Variants in UHRF2 observed in about 807,000 individuals in gnomAD.
UHRF2 encodes E3 ubiquitin-protein ligase UHRF2.
In UHRF2, 23 loss-of-function variants were observed where a neutral mutation model predicts 96.8. The ratio of observed to expected loss-of-function variants is 0.24; its 90% CI spans 0.17 to 0.34. The LOEUF is 0.34. Ranked by LOEUF, UHRF2 falls within the 10% of genes least tolerant of loss-of-function variation. UHRF2 has a pLI of 1.00. For missense variants in UHRF2, 685 were observed against 981.5 expected, an observed-to-expected ratio of 0.70 and a Z score of 4.04; for synonymous variants, 385 against 332.6, an observed-to-expected ratio of 1.16 and a Z score of -1.72.
At chr9:6,451,380 G>A (rs1302613114) in intron 3 of UHRF2, among the ~76,000 whole-genome samples, 1 of 151,710 alleles carries the variant, frequency 6.6e-6, no homozygotes, top group Non-Finnish European at 1.5e-5. Context: ...TAGTTCTGTA[G>A]TTAAATCTCC....
intron 3 of UHRF2, among the ~76,000 whole-genome samples, chr9:6,439,067 A>G (rs766085261): frequency 1.3e-5 from 2 of 152,228 alleles, no homozygotes; most frequent in Admixed American, 6.5e-5. Flanking sequence ...AGATACAAAC[A>G]CTAAGTTTAT....
At chr9:6,462,509 A>G (rs528906438) in intron 4 of UHRF2, among the ~76,000 whole-genome samples, 1 of 152,334 alleles carries the variant, frequency 6.6e-6, no homozygotes, top group South Asian at 2.1e-4. Flanking sequence ...AAGCCCCTAA[A>G]TAAACTGGCT....
At chr9:6,468,329 C>A in intron 4 of UHRF2, 1 of 410,664 alleles carries the variant, frequency 2.4e-6, no homozygotes, top group South Asian at 1.8e-5. Flanking sequence ...TAAAGTAGTA[C>A]ATGGAAAGCA....
In UHRF2 at chr9:6,433,258, T is replaced by C. The variant is rs12339576; in HGVS notation, c.385-656T>C. 3.3e-3 allele frequency among the ~76,000 whole-genome samples: 504 copies of C among 152,372 alleles called. 1 individual carries two copies. The highest frequency in any genetic ancestry group is 0.012 in the African/African-American group (493 of 41,586). ...CCTTTTGTCAGATTGCATGGGTTAG[T>C]TGTGGATCAGCCACTGGAATTGACT... On this transcript the variant is annotated intron_variant, in intron 2 of 15. Coordinates refer to ENST00000276893, the MANE Select transcript of UHRF2 (RefSeq NM_152896.3).
At chr9:6,440,936 C>T (rs1821126154) in intron 3 of UHRF2, among the ~76,000 whole-genome samples, 1 of 152,182 alleles carries the variant, frequency 6.6e-6, no homozygotes, top group Non-Finnish European at 1.5e-5. Flanking sequence ...TCTAATCATT[C>T]CCTGTGATTC....
chr9:6,422,752 C>T (rs545004945), intron 2 of UHRF2: 6 of 459,486 alleles, frequency 1.3e-5, no homozygotes, highest in African/African-American at 2.0e-5. Context: ...GGGATACAGG[C>T]GTGAGCCACC....
chr9:6,468,409 G>C (rs1029396080), intron 4 of UHRF2: 1 of 455,940 alleles, frequency 2.2e-6, no homozygotes, highest in Middle Eastern at 3.3e-4. Flanking sequence ...TAAATAGCCC[G>C]ATCAAATAGT....
In UHRF2 at chr9:6,504,694, AAGT is replaced by A; in HGVS notation, c.2262+6_2262+8del. 1 of 1,609,034 alleles carries A rather than the reference AAGT, an allele frequency of 6.2e-7. No individual in the cohort carries two copies. Among genetic ancestry groups the A allele is most frequent in the Non-Finnish European group, 8.5e-7 (1 of 1,176,068 alleles). On this transcript the variant is annotated splice_donor_5th_base_variant and intron_variant, in intron 15 of 15. Transcript: ENST00000276893. ...AGTGCTTCCACAATGTCTGTAAAGTAAGTAGAATTCCTTCCTCACTTTCCCTGT... is the reference window on the plus strand; with the variant it reads ...AGTGCTTCCACAATGTCTGTAAAGTAAGAATTCCTTCCTCACTTTCCCTGT...
At chr9:6,436,604 T>C (rs201556085) in intron 3 of UHRF2, among the ~76,000 whole-genome samples, 1 of 152,170 alleles carries the variant, frequency 6.6e-6, no homozygotes, top group Non-Finnish European at 1.5e-5. Flanking sequence ...AACATAGACA[T>C]AGAATAAGGA....
chr9:6,481,923 C>A, intron 7 of UHRF2, 69 bp from the exon 8 acceptor site: 3 of 1,570,954 alleles, frequency 1.9e-6, no homozygotes, highest in Non-Finnish European at 2.6e-6. Flanking sequence ...CTAGTCACAT[C>A]TCAGAATTAA....
At chr9:6,486,687 G>A (rs1347179437) in intron 8 of UHRF2, 134 bp from the exon 9 acceptor site, 5 of 750,044 alleles carry the variant, frequency 6.7e-6, no homozygotes, top group African/African-American at 1.8e-5. Flanking sequence ...GATTTAAAAT[G>A]AGAGAGCAAA....
chr9:6,504,798 G>A (rs1319916138), intron 15 of UHRF2, 107 bp downstream of exon 15: 17 of 782,536 alleles, frequency 2.2e-5, no homozygotes, highest in Non-Finnish European at 3.2e-5. Flanking sequence ...CGGGATAGTT[G>A]CGGAACCTTC....
chr9:6,502,638 G>A (rs1816361570), intron 14 of UHRF2, among the ~76,000 whole-genome samples: 1 of 152,176 alleles, frequency 6.6e-6, no homozygotes, highest in African/African-American at 2.4e-5. Context: ...CTCTGCTGTA[G>A]GAACGTAAGT....
rs532425934 is a variant in UHRF2, at chr9:6,434,353, A to T, written c.644+180A>T. On this transcript the variant is annotated intron_variant, in intron 3 of 15. Coordinates refer to ENST00000276893, the MANE Select transcript of UHRF2 (RefSeq NM_152896.3). ...TTAAAGGTCCTTTTAGCTCTCGATTATCTCTGGTTCTTAAGTGGTTTATTT... is the reference window on the plus strand; with the variant it reads ...TTAAAGGTCCTTTTAGCTCTCGATTTTCTCTGGTTCTTAAGTGGTTTATTT... The T allele has an allele frequency of 2.0e-4, 129 of 645,050 alleles. No individual in the cohort carries two copies. The African/African-American group carries it at 2.1e-3, about 10-fold the overall frequency. The allele number at this position is 645,050 out of a possible 1,614,324, so 40.0% of individuals were successfully genotyped here.
At chr9:6,455,464 G>A (rs1191908968) in intron 3 of UHRF2, among the ~76,000 whole-genome samples, 1 of 152,064 alleles carries the variant, frequency 6.6e-6, no homozygotes, top group African/African-American at 2.4e-5. Context: ...CAAAGGACAT[G>A]CACTTATCCT....
chr9:6,436,452 A>G (rs1216429283), intron 3 of UHRF2, among the ~76,000 whole-genome samples: 1 of 152,220 alleles, frequency 6.6e-6, no homozygotes, highest in Non-Finnish European at 1.5e-5. Context: ...TGCTGTGTCA[A>G]AACAGGTAAA....
intron 9 of UHRF2, among the ~76,000 whole-genome samples, chr9:6,488,092 A>G (rs2130931873): frequency 6.6e-6 from 1 of 151,044 alleles, no homozygotes; most frequent in South Asian, 2.1e-4. Context: ...AAAACAGAGA[A>G]ATTAGCTGGG....
At chr9:6,461,323 C>A (rs866286903) in intron 4 of UHRF2, among the ~76,000 whole-genome samples, 1 of 149,476 alleles carries the variant, frequency 6.7e-6, no homozygotes, top group African/African-American at 2.5e-5. Flanking sequence ...TTTTTTCTTT[C>A]TGTCTCTCTC....
intron 3 of UHRF2, among the ~76,000 whole-genome samples, chr9:6,441,735 G>GTT (rs367898591): frequency 1.2e-4 from 18 of 147,092 alleles, no homozygotes; most frequent in African/African-American, 4.5e-4. Flanking sequence ...TTTGTGGCCG[G>GTT]TTTTTTTTTT....
Sources: gnomAD v4.1 joint callset for allele counts (sites outside exome capture counted in the v4.1 genomes callset) on GRCh38, gnomAD v4.1.1 for gene constraint, MANE v1.5 for transcripts, NCBI Gene and HGNC (gene_info 2026-07-23, HGNC 2026-07-21) for gene names.